The following NTRK1 variants were observed in gnomAD, a reference collection of about 807,000 sequenced individuals.
The protein encoded by NTRK1 is high affinity nerve growth factor receptor.
A neutral mutation model predicts 86.8 loss-of-function variants in NTRK1; 62 were observed. The ratio of observed to expected loss-of-function variants is 0.71; its 90% CI spans 0.58 to 0.88. The LOEUF (loss-of-function observed/expected upper bound fraction) is 0.88. Ranked by LOEUF, NTRK1 falls within the 40% of genes least tolerant of loss-of-function variation. NTRK1 has a pLI of 0.00. For synonymous variants in NTRK1, 469 were observed against 456.6 expected, an observed-to-expected ratio of 1.03 and a Z score of -0.35; for missense variants, 967 against 1,078.4, an observed-to-expected ratio of 0.90 and a Z score of 1.45.
intron 6 of NTRK1, among the ~76,000 whole-genome samples, chr1:156,870,743 ATCACTT>A (rs1647503261): frequency 6.6e-6 from 1 of 152,218 alleles, no homozygotes; most frequent in South Asian, 2.1e-4. Context: ...TTTTGTGAAA[ATCACTT>A]TCTAAAATGT....
chr1:156,868,811 T>C (rs1647344250), intron 6 of NTRK1, among the ~76,000 whole-genome samples, 164 bp downstream of exon 6: 1 of 152,158 alleles, frequency 6.6e-6, no homozygotes, highest in African/African-American at 2.4e-5. Flanking sequence ...CTCAGGCCTA[T>C]GCTCTGGGGC....
intron 16 of NTRK1, among the ~76,000 whole-genome samples, chr1:156,880,720 G>A (rs1024119911): frequency 6.6e-6 from 1 of 152,210 alleles, no homozygotes; most frequent in African/African-American, 2.4e-5. Context: ...TGGTGGGGTG[G>A]GGGAGAGGGT....
chr1:156,845,123 A>G, intron 2 of NTRK1: 1 of 1,611,584 alleles, frequency 6.2e-7, no homozygotes, highest in South Asian at 1.1e-5. Flanking sequence ...GCTGCAGCCC[A>G]CGGTGTGCGC....
chr1:156,872,957 G>A (rs1474962364), intron 7 of NTRK1, among the ~76,000 whole-genome samples: 3 of 151,790 alleles, frequency 2.0e-5, no homozygotes, highest in Non-Finnish European at 4.4e-5. Flanking sequence ...AATTACAGGC[G>A]TGAGCCACCG....
rs1647927370 is a variant in NTRK1 at position 156,876,534 on chromosome 1, T to C, written c.1767T>C (p.Phe589=). 1 of 1,613,424 alleles carries C rather than the reference T, an allele frequency of 6.2e-7. No homozygotes were observed. The highest frequency in any genetic ancestry group is 2.2e-5 in the East Asian group (1 of 44,886). Residue 589 remains phenylalanine, a synonymous_variant, in exon 14 of 17, where the codon TTT becomes TTC. Transcript: ENST00000524377. The stretch of plus-strand genomic sequence containing the variant: ...AGGGCCGCCCCCTGCTCATGGTCTT[T>C]GAGTATATGCGGCACGGGGACCTCA... ...CTEGRPLLMV[F]EYMRHGDLNR...
chr1:156,864,148 CAT>C (rs1008741744), intron 1 of NTRK1, among the ~76,000 whole-genome samples: 26 of 152,248 alleles, frequency 1.7e-4, no homozygotes, highest in African/African-American at 4.1e-4. Context: ...CATGCACACA[CAT>C]GTGCATGTGT....
rs2102919525 is a variant in NTRK1, at chr1:156,876,480, C to T, written c.1713C>T (p.His571=). The change falls in exon 14 of 17, where the codon CAC becomes CAT. Residue 571 remains histidine, a synonymous_variant. Transcript: ENST00000524377. ...AELLTMLQHQ[H]IVRFFGVCTE... ...TGCTCACCATGCTGCAGCACCAGCA[C>T]ATCGTGCGCTTCTTCGGCGTCTGCA... 2 of 1,613,882 alleles carry T rather than the reference C, an allele frequency of 1.2e-6. No homozygotes were observed. The highest frequency in any genetic ancestry group is 1.7e-6 in the Non-Finnish European group (2 of 1,180,028).
At chr1:156,878,055 G>A (rs1268758418) in intron 14 of NTRK1, among the ~76,000 whole-genome samples, 1 of 152,218 alleles carries the variant, frequency 6.6e-6, no homozygotes, top group African/African-American at 2.4e-5. Context: ...GGCCCAGGCT[G>A]TGGGAGACGA....
rs1647324383 is a variant in NTRK1, at chr1:156,868,602, G to C, written c.672G>C (p.Gln224His). ...RCQVEGRGLE[Q>H]AGWILTELEQ... is the part of the protein sequence containing the mutation. The stretch of plus-strand genomic sequence containing the variant: ...AGGTGGAGGGGCGGGGCCTGGAGCA[G>C]GCCGGCTGGATCCTCACAGAGCTGG... Residue 224 changes from glutamine to histidine, a missense_variant, in exon 6 of 17, where the codon CAG (glutamine) becomes CAC (histidine). Transcript: ENST00000524377. 6.4e-7 allele frequency: 1 copy of C among 1,551,092 alleles called. No homozygotes were observed. Among genetic ancestry groups the C allele is most frequent in the Non-Finnish European group, 8.7e-7 (1 of 1,147,120 alleles).
chr1:156,844,362 A>G, intron 2 of NTRK1: 1 of 1,500,616 alleles, frequency 6.7e-7, no homozygotes, highest in Non-Finnish European at 9.2e-7. Flanking sequence ...CCATGCTGGG[A>G]GGTGAGGATG....
Position 156,825,078 on chromosome 1 carries a change from G to A in NTRK1, c.-64+9240G>A, listed in dbSNP as rs368877932. Among the ~76,000 whole-genome samples the A allele has an allele frequency of 4.5e-3, 686 of 152,228 alleles. 15 individuals carry two copies. The highest frequency in any genetic ancestry group is 0.016 in the African/African-American group (661 of 41,538). ...CTAATTTTGTATTTTTAGTAGAGACGGGGTTTTGCCATGTTGGTCAGGCTG... is the reference window on the plus strand; with the variant it reads ...CTAATTTTGTATTTTTAGTAGAGACAGGGTTTTGCCATGTTGGTCAGGCTG... On this transcript the variant is annotated intron_variant, in intron 1 of 16. Coordinates refer to the NTRK1 transcript ENST00000392302.
intron 1 of NTRK1, chr1:156,816,029 A>C: frequency 6.2e-7 from 1 of 1,614,062 alleles, no homozygotes; most frequent in Non-Finnish European, 8.5e-7. Context: ...AGGTTCTGGC[A>C]GCTCCTGCGG....
rs201006826 is a variant in NTRK1 at position 156,846,755 on chromosome 1, G to A, written c.50+4562G>A. 6.8e-6 allele frequency: 11 copies of A among 1,612,576 alleles called. No homozygotes were observed. The East Asian group carries it at 2.0e-4, about 29-fold the overall frequency. On this transcript the variant is annotated intron_variant, in intron 2 of 16. Transcript: ENST00000392302. Reference sequence around the variant, plus strand: ...CACGTGCTCTGTGGCGTTCTGGAATGGGCTGAACACCCATCCCCAGAGCTG... The same window carrying A: ...CACGTGCTCTGTGGCGTTCTGGAATAGGCTGAACACCCATCCCCAGAGCTG...
chr1:156,818,548 C>G (rs1342237649), intron 1 of NTRK1, among the ~76,000 whole-genome samples: 2 of 152,232 alleles, frequency 1.3e-5, no homozygotes, highest in African/African-American at 2.4e-5. Flanking sequence ...TAGCTTAGCT[C>G]CCACTAATAA....
chr1:156,880,522 G>T (rs1648194213), intron 16 of NTRK1: 1 of 272,428 alleles, frequency 3.7e-6, no homozygotes, highest in South Asian at 4.8e-5. Context: ...GCCCAACACT[G>T]CAGCAGGACG....
At chr1:156,842,351 C>G in intron 2 of NTRK1, 1 of 1,612,938 alleles carries the variant, frequency 6.2e-7, no homozygotes, top group Non-Finnish European at 8.5e-7. Context: ...ACCTCCCACA[C>G]TGTGCCCAAC....
chr1:156,861,208 G>T (rs1372292059), intron 1 of NTRK1, 62 bp downstream of exon 1: 1 of 1,507,644 alleles, frequency 6.6e-7, no homozygotes, highest in African/African-American at 1.4e-5. Flanking sequence ...TGCCCCGAGG[G>T]CGCGGACTCG....
At chr1:156,871,476 A>G (rs1647547491) in intron 6 of NTRK1, 147 bp from the exon 7 acceptor site, 1 of 784,024 alleles carries the variant, frequency 1.3e-6, no homozygotes, top group Non-Finnish European at 2.1e-6. Context: ...TATCTGCTAC[A>G]TTCTCTCCCA....
At chr1:156,853,683 G>A in intron 2 of NTRK1, 3 of 1,468,638 alleles carry the variant, frequency 2.0e-6, no homozygotes, top group Middle Eastern at 4.7e-4. Context: ...ACACCATCCT[G>A]TGGCCACCCA....
Sources: allele counts gnomAD v4.1 joint callset (sites outside exome capture counted in the v4.1 genomes callset), GRCh38; gene constraint gnomAD v4.1.1; transcripts MANE v1.5; gene names NCBI Gene and HGNC (gene_info 2026-07-23, HGNC 2026-07-21).